PTPRT: variants seen among roughly 807,000 people sequenced by gnomAD.
PTPRT encodes the protein receptor-type tyrosine-protein phosphatase T.
A neutral mutation model predicts 176.8 loss-of-function variants in PTPRT; 56 were observed. That is an observed-to-expected ratio of 0.32 (90% CI 0.26 to 0.40). PTPRT has a LOEUF of 0.40. Ranked by LOEUF, PTPRT falls within the 10% of genes least tolerant of loss-of-function variation. PTPRT has a pLI of 1.00. For synonymous variants in PTPRT, 783 were observed against 739.0 expected (o/e 1.06, Z -0.96); for missense variants, 1,540 against 1,908.2 (o/e 0.81, Z 3.60).
chr20:42,065,421 C>A, the PTPRT span, among the ~76,000 whole-genome samples: 1 of 152,186 alleles, frequency 6.6e-6, no homozygotes, highest in Non-Finnish European at 1.5e-5. Flanking sequence ...TGATATCATG[C>A]ATTTTGTAGT....
chr20:42,360,396 CAG>C (rs1325426197), intron 9 of PTPRT, among the ~76,000 whole-genome samples: 1 of 152,192 alleles, frequency 6.6e-6, no homozygotes, highest in Non-Finnish European at 1.5e-5. Flanking sequence ...AGAATGCAGT[CAG>C]AGTCCCATAG....
At chr20:42,372,595 C>G (rs917547326) in intron 9 of PTPRT, among the ~76,000 whole-genome samples, 32 of 151,980 alleles carry the variant, frequency 2.1e-4, no homozygotes, top group Non-Finnish European at 4.6e-4. Flanking sequence ...AGGGTTTTCC[C>G]GATTCTGATA....
rs538179689 is a variant in PTPRT at position 42,618,769 on chromosome 20, C to T, written c.1153+59097G>A. On this transcript the variant is annotated intron_variant, in intron 7 of 30. Transcript: ENST00000373187. Reference sequence around the variant, plus strand: ...CAGAGACTAGGATTGCAACCCCTGCCTTTTTTTGTTTTCCATTTGCTTGGT... The same window carrying T: ...CAGAGACTAGGATTGCAACCCCTGCTTTTTTTTGTTTTCCATTTGCTTGGT... Among the ~76,000 whole-genome samples, 23 of 133,482 alleles carry T rather than the reference C, an allele frequency of 1.7e-4. No homozygotes were observed. The East Asian group carries it at 4.1e-3, about 24-fold the overall frequency. The allele number at this position is 133,482 out of a possible 152,430, so 87.6% of individuals were successfully genotyped here.
At chr20:43,039,485 G>T (rs1207988066) in intron 1 of PTPRT, among the ~76,000 whole-genome samples, 2 of 151,698 alleles carry the variant, frequency 1.3e-5, no homozygotes, top group Non-Finnish European at 2.9e-5. Context: ...AACCATAAAA[G>T]CACCAGAAAA....
At chr20:42,554,864 G>A (rs2072832878) in intron 7 of PTPRT, among the ~76,000 whole-genome samples, 2 of 152,118 alleles carry the variant, frequency 1.3e-5, no homozygotes, top group Admixed American at 1.3e-4. Flanking sequence ...GGCAAGTTGG[G>A]GAGTTATTAT....
chr20:42,203,561 T>C (rs1014200124), intron 15 of PTPRT, among the ~76,000 whole-genome samples: 10 of 152,352 alleles, frequency 6.6e-5, no homozygotes, highest in African/African-American at 2.4e-4. Context: ...TCAATGTAAG[T>C]GTCACATCTC....
rs1324524147 is a variant in PTPRT, at chr20:42,979,993, G to T, written c.89-94061C>A. On this transcript the variant is annotated intron_variant, in intron 1 of 30. Coordinates refer to ENST00000373187, the MANE Select transcript of PTPRT (RefSeq NM_007050.6). ...TATGCCGGCCGGGAAGGGGGGGTGG[G>T]GGGGGGTCTTCCTGAGAGAAAGCAA... Among the ~76,000 whole-genome samples the T allele has an allele frequency of 9.8e-5, 10 of 102,216 alleles. No homozygotes were observed. In the East Asian group the frequency reaches 1.3e-3, roughly 13 times the overall value. 67.1% of individuals were successfully genotyped at this position (102,216 alleles called of 152,430 possible). A position where few individuals can be genotyped will look rare whatever the true frequency, so the allele number is the denominator to read the frequency against.
At chr20:42,893,424 T>C (rs537457332) in intron 1 of PTPRT, among the ~76,000 whole-genome samples, 113 of 151,814 alleles carry the variant, frequency 7.4e-4, no homozygotes, top group African/African-American at 2.6e-3. Flanking sequence ...GACTGTAAAC[T>C]AGTTCAACCA....
chr20:42,924,221 C>G (rs1979342463), intron 1 of PTPRT, among the ~76,000 whole-genome samples: 1 of 152,118 alleles, frequency 6.6e-6, no homozygotes, highest in African/African-American at 2.4e-5. Context: ...CTTTTATAAC[C>G]TGCCTTTTAA....
chr20:42,414,666 T>C (rs2059048704), intron 9 of PTPRT, among the ~76,000 whole-genome samples: 1 of 152,118 alleles, frequency 6.6e-6, no homozygotes, highest in Admixed American at 6.5e-5. Flanking sequence ...TACATAAAAG[T>C]CATCAGAAAA....
At chr20:42,210,929 TACTGGTACCA>T (rs1171796210) in intron 15 of PTPRT, among the ~76,000 whole-genome samples, 5 of 150,854 alleles carry the variant, frequency 3.3e-5, no homozygotes, top group African/African-American at 1.2e-4. Context: ...AACAGCATGG[TACTGGTACCA>T]AAACAGAGAT....
At chr20:43,160,434 T>C (rs1171489510) in intron 1 of PTPRT, among the ~76,000 whole-genome samples, 2 of 152,126 alleles carry the variant, frequency 1.3e-5, no homozygotes, top group Non-Finnish European at 2.9e-5. Flanking sequence ...GATAAGGCAA[T>C]AAGAATAAAT....
chr20:42,766,060 A>G (rs1184186434), intron 5 of PTPRT, among the ~76,000 whole-genome samples: 2 of 152,208 alleles, frequency 1.3e-5, no homozygotes, highest in Non-Finnish European at 2.9e-5. Context: ...AGATGTACAC[A>G]TTTATATTTG....
At chr20:43,022,016 T>C (rs1281888525) in intron 1 of PTPRT, among the ~76,000 whole-genome samples, 5 of 152,116 alleles carry the variant, frequency 3.3e-5, no homozygotes, top group African/African-American at 1.2e-4. Context: ...CTTTTAAGGA[T>C]CTTTCTTGGA....
At chr20:42,506,993 T>C (rs554112772) in intron 7 of PTPRT, among the ~76,000 whole-genome samples, 4 of 152,254 alleles carry the variant, frequency 2.6e-5, no homozygotes, top group East Asian at 1.9e-4. Context: ...TCTTTGAAAG[T>C]AGACAGAAGT....
intron 7 of PTPRT, among the ~76,000 whole-genome samples, chr20:42,655,518 C>T (rs1002776475): frequency 9.2e-5 from 14 of 152,160 alleles, no homozygotes; most frequent in Non-Finnish European, 1.9e-4. Context: ...TTTACCAGAT[C>T]TCATATTTAT....
chr20:42,892,576 G>C (rs2079213454), intron 1 of PTPRT, among the ~76,000 whole-genome samples: 1 of 152,126 alleles, frequency 6.6e-6, no homozygotes, highest in East Asian at 1.9e-4. Flanking sequence ...ACTTTTGGTA[G>C]AGCTCATCAT....
intron 7 of PTPRT, among the ~76,000 whole-genome samples, chr20:42,668,589 G>A (rs976475647): frequency 6.6e-6 from 1 of 152,074 alleles, no homozygotes; most frequent in African/African-American, 2.4e-5. Context: ...GACTCCAATG[G>A]TGCCAACAGT....
At chr20:42,163,647 G>A (rs561280600) in intron 16 of PTPRT, among the ~76,000 whole-genome samples, 2 of 152,304 alleles carry the variant, frequency 1.3e-5, no homozygotes, top group South Asian at 2.1e-4. Context: ...GGAAATAGAC[G>A]AGAAGAATCA....
Sources: gnomAD v4.1 joint callset for allele counts (sites outside exome capture counted in the v4.1 genomes callset) on GRCh38, gnomAD v4.1.1 for gene constraint, MANE v1.5 for transcripts, NCBI Gene and HGNC (gene_info 2026-07-23, HGNC 2026-07-21) for gene names.